RCAN1: variants seen among roughly 807,000 people sequenced by gnomAD.
RCAN1 encodes the protein regulator of calcineurin 1.
In RCAN1, 11 loss-of-function variants were observed where a neutral mutation model predicts 22.9. The observed-to-expected ratio is 0.48, with a 90% CI of 0.30 to 0.79. The LOEUF is 0.79. Ranked by LOEUF, RCAN1 falls within the 30% of genes least tolerant of loss-of-function variation. The pLI, the probability that RCAN1 is intolerant of heterozygous loss-of-function variation, is 0.06. For missense variants in RCAN1, 291 were observed against 337.8 expected (o/e 0.86, Z 1.09); for synonymous variants, 136 against 142.3 (o/e 0.96, Z 0.32).
intron 1 of RCAN1, among the ~76,000 whole-genome samples, chr21:34,609,088 A>T (rs1988617712): frequency 5.9e-5 from 9 of 152,158 alleles, no homozygotes; most frequent in Admixed American, 5.9e-4. Flanking sequence ...CATGAAGCCA[A>T]CCCTTTCCCC....
intron 1 of RCAN1, among the ~76,000 whole-genome samples, chr21:34,589,687 G>A (rs1399034361): frequency 6.8e-6 from 1 of 146,178 alleles, no homozygotes; most frequent in African/African-American, 2.6e-5. Context: ...GGCCTGAAGA[G>A]AACAAAAGGC....
At chr21:34,532,023 CG>C (rs974089230) in intron 1 of RCAN1, among the ~76,000 whole-genome samples, 1 of 151,884 alleles carries the variant, frequency 6.6e-6, no homozygotes, top group South Asian at 2.1e-4. Flanking sequence ...GGGCTGGGGG[CG>C]GGGGTAGATT....
At chr21:34,556,948 T>C (rs960193678) in intron 1 of RCAN1, among the ~76,000 whole-genome samples, 2 of 152,228 alleles carry the variant, frequency 1.3e-5, no homozygotes, top group Non-Finnish European at 2.9e-5. Context: ...GCATGGTGGC[T>C]GACGCCTGTA....
chr21:34,560,424 G>GAACAAAGAAGT (rs1184039936), intron 1 of RCAN1, among the ~76,000 whole-genome samples: 2 of 152,108 alleles, frequency 1.3e-5, no homozygotes, highest in Admixed American at 6.5e-5. Flanking sequence ...TTTACGCTTA[G>GAACAAAGAAGT]AACAAAGAAG....
At position 34,614,744 on chromosome 21, in the gene RCAN1, C is replaced by T. The variant is rs905967153; in HGVS notation, c.252+16G>A. ...TCCGCCCTCCGCCCCGACGGCCCGCCCGGCGCGGTCCTCACCCGGCACAGG... is the reference window on the plus strand; with the variant it reads ...TCCGCCCTCCGCCCCGACGGCCCGCTCGGCGCGGTCCTCACCCGGCACAGG... On this transcript the variant is annotated intron_variant, in intron 1 of 3. Transcript: ENST00000313806. This position sits in a 1 kb window ranked among gnomAD's most constrained non-coding sequence, Gnocchi z 6.0. 4 of 1,414,134 alleles carry T rather than the reference C, an allele frequency of 2.8e-6. No individual in the cohort carries two copies. The allele number at this position is 1,414,134 out of a possible 1,614,324, so 87.6% of individuals were successfully genotyped here.
At chr21:34,574,027 C>T (rs1168049822) in intron 1 of RCAN1, among the ~76,000 whole-genome samples, 1 of 152,148 alleles carries the variant, frequency 6.6e-6, no homozygotes. Flanking sequence ...AGGAACGCTA[C>T]AAAAATCCTC....
chr21:34,607,549 T>C (rs1298747514), intron 1 of RCAN1, among the ~76,000 whole-genome samples: 1 of 152,108 alleles, frequency 6.6e-6, no homozygotes, highest in Non-Finnish European at 1.5e-5. Flanking sequence ...GCCACCACAC[T>C]GAGCTAATTT....
chr21:34,565,205 A>C (rs894095122), intron 1 of RCAN1, among the ~76,000 whole-genome samples: 1 of 152,256 alleles, frequency 6.6e-6, no homozygotes, highest in Non-Finnish European at 1.5e-5. Context: ...TCTGAAAAAG[A>C]AAAGAAAAAG....
chr21:34,576,104 A>G (rs770990849), intron 1 of RCAN1, among the ~76,000 whole-genome samples: 18 of 152,198 alleles, frequency 1.2e-4, no homozygotes, highest in Non-Finnish European at 1.9e-4. Flanking sequence ...ATTTTTATTC[A>G]TACCCAACAG....
intron 1 of RCAN1, among the ~76,000 whole-genome samples, chr21:34,534,688 G>C (rs1985583947): frequency 6.6e-6 from 1 of 152,206 alleles, no homozygotes; most frequent in Non-Finnish European, 1.5e-5. Flanking sequence ...TCTGTGGTTT[G>C]AGCAAAGGCC....
chr21:34,524,978 C>G, intron 1 of RCAN1: 1 of 1,492,048 alleles, frequency 6.7e-7, no homozygotes. Context: ...GGCAAAAACA[C>G]TTAGGACAGT....
chr21:34,575,816 C>G (rs539176848), intron 1 of RCAN1, among the ~76,000 whole-genome samples: 4 of 152,272 alleles, frequency 2.6e-5, no homozygotes, highest in African/African-American at 7.2e-5. Flanking sequence ...AGAGACGAGA[C>G]AGCGGTGTGT....
At chr21:34,568,900 G>A (rs77492378) in intron 1 of RCAN1, among the ~76,000 whole-genome samples, 1 of 152,220 alleles carries the variant, frequency 6.6e-6, no homozygotes, top group Admixed American at 6.5e-5. Context: ...CCACATGGCT[G>A]GGGAGGCCTC....
chr21:34,555,717 C>T (rs938943804), intron 1 of RCAN1, among the ~76,000 whole-genome samples: 4 of 151,744 alleles, frequency 2.6e-5, no homozygotes, highest in African/African-American at 7.3e-5. Flanking sequence ...GAATATCTTC[C>T]ATGCTTTTGT....
intron 1 of RCAN1, among the ~76,000 whole-genome samples, chr21:34,571,169 T>A (rs1987221670): frequency 6.6e-6 from 1 of 152,124 alleles, no homozygotes; most frequent in Non-Finnish European, 1.5e-5. Context: ...GATGCATGCC[T>A]ATAATCCCAG....
chr21:34,611,804 A>T (rs953382124), intron 1 of RCAN1, among the ~76,000 whole-genome samples: 1 of 152,210 alleles, frequency 6.6e-6, no homozygotes, highest in African/African-American at 2.4e-5. Context: ...ATTCCCACCT[A>T]GAAGGATGGT....
chr21:34,573,530 C>T (rs1002444837), intron 1 of RCAN1, among the ~76,000 whole-genome samples: 2 of 152,190 alleles, frequency 1.3e-5, no homozygotes, highest in African/African-American at 4.8e-5. Flanking sequence ...GGCTCTGGGT[C>T]AAACTGCCAG....
intron 1 of RCAN1, among the ~76,000 whole-genome samples, chr21:34,528,427 G>T (rs1267473690): frequency 6.6e-6 from 1 of 152,182 alleles, no homozygotes; most frequent in Admixed American, 6.5e-5. Context: ...AGACATAAAC[G>T]CATGTATTCC....
intron 1 of RCAN1, among the ~76,000 whole-genome samples, chr21:34,598,754 G>C (rs1332610091): frequency 6.6e-6 from 1 of 152,146 alleles, no homozygotes; most frequent in Non-Finnish European, 1.5e-5. Flanking sequence ...TGTAATATGT[G>C]CAGTAAGGTA....
Sources: gnomAD v4.1 joint callset for allele counts (sites outside exome capture counted in the v4.1 genomes callset) on GRCh38, gnomAD v4.1.1 for gene constraint, Gnocchi (gnomAD v3.1) non-coding constraint, MANE v1.5 for transcripts, NCBI Gene and HGNC (gene_info 2026-07-23, HGNC 2026-07-21) for gene names.